LPIN3: variants seen among roughly 807,000 people sequenced by gnomAD.
LPIN3 encodes the protein lipin 3.
Under a neutral mutation model 94.7 loss-of-function variants are expected in LPIN3, and 82 were observed. The observed-to-expected ratio is 0.87, with a 90% confidence interval of 0.72 to 1.04. LPIN3 has a LOEUF of 1.04. LPIN3 is among the 50% of genes least tolerant of loss of function. The pLI is 0.00. For synonymous variants in LPIN3, 418 were observed against 443.3 expected, an observed-to-expected ratio of 0.94 and a Z score of 0.72; for missense variants, 996 against 1,090.5, an observed-to-expected ratio of 0.91 and a Z score of 1.22.
At position 41,347,548 on chromosome 20, in the gene LPIN3, G is replaced by A; in HGVS notation, c.193-4G>A. Reference sequence around the variant, plus strand: ...ATGTCCCTGCCACCGCTTTCCATTTGCAGGTAGACATTGAGCTCAATGGGG... The same window carrying A: ...ATGTCCCTGCCACCGCTTTCCATTTACAGGTAGACATTGAGCTCAATGGGG... On this transcript the variant is annotated splice_polypyrimidine_tract_variant and splice_region_variant and intron_variant, in intron 2 of 19. Coordinates refer to ENST00000373257, the MANE Select transcript of LPIN3 (RefSeq NM_022896.3). 6.2e-7 allele frequency: 1 copy of A among 1,614,046 alleles called. No individual in the cohort carries two copies. Among genetic ancestry groups the A allele is most frequent in the Non-Finnish European group, 8.5e-7 (1 of 1,179,916 alleles).
intron 11 of LPIN3, among the ~76,000 whole-genome samples, chr20:41,353,720 C>T (rs960244303): frequency 6.6e-6 from 1 of 152,252 alleles, no homozygotes; most frequent in Non-Finnish European, 1.5e-5. Flanking sequence ...CCTGCACCTG[C>T]CCCTCTGGGA....
At position 41,352,220 on chromosome 20, in the gene LPIN3, G is replaced by T. The variant is rs1469821401; in HGVS notation, c.1363G>T (p.Glu455Ter). 3 of 1,614,138 alleles carry T rather than the reference G, an allele frequency of 1.9e-6. No individual in the cohort carries two copies. Among genetic ancestry groups the T allele is most frequent in the Non-Finnish European group, 2.5e-6 (3 of 1,180,016 alleles). The change falls in exon 9 of 20, where the codon GAG becomes TAG. Residue 455 changes from glutamate (E) to a stop codon, truncating the protein, a stop_gained and splice_region_variant. Transcript: ENST00000373257. LOFTEE classifies it high-confidence loss of function. The stretch of plus-strand genomic sequence containing the variant: ...GGCTGACAGCCGGGACATCTCCCTA[G>T]GTATGTTCGACCATGGCCAAGCCCT... ...GLADSRDISLEKFNQHSVSYQ... is the reference protein window; with the variant it reads ...GLADSRDISL
At chr20:41,341,491 C>G (rs942164335) in intron 1 of LPIN3, among the ~76,000 whole-genome samples, 1 of 152,204 alleles carries the variant, frequency 6.6e-6, no homozygotes, top group African/African-American at 2.4e-5. Context: ...CCTTCATCCA[C>G]CCAAACCTGG....
intron 13 of LPIN3, 56 bp from the exon 14 acceptor site, chr20:41,355,840 G>C: frequency 6.2e-7 from 1 of 1,601,556 alleles, no homozygotes; most frequent in Non-Finnish European, 8.5e-7. Context: ...GGCATCTCCC[G>C]GGAGTGAAGG....
In LPIN3 at chr20:41,348,683, C is replaced by T. The variant is rs139894820; in HGVS notation, c.353C>T (p.Ser118Leu). Residue 118 changes from serine (S) to leucine (L), a missense_variant, in exon 4 of 20, where the codon TCG becomes TTG. Transcript: ENST00000373257. Reference sequence around the variant, plus strand: ...TGGGGGGGTCTGTCTGGCTTCCCCTCGGACTCCCAGCTGGGCACTGCCAGT... The same window carrying T: ...TGGGGGGGTCTGTCTGGCTTCCCCTTGGACTCCCAGCTGGGCACTGCCAGT... ...IPWGGLSGFP[S>L]DSQLGTASEP... 137 of 1,613,812 alleles carry T rather than the reference C, an allele frequency of 8.5e-5. No homozygotes were observed. The African/African-American group carries it at 1.5e-3, about 17-fold the overall frequency.
chr20:41,351,946 G>A (rs1247390577), intron 8 of LPIN3, 26 bp downstream of exon 8: 3 of 1,613,920 alleles, frequency 1.9e-6, no homozygotes, highest in Admixed American at 1.7e-5. Context: ...ATGCCAGGGT[G>A]TCTTGGGTCT....
chr20:41,353,995 G>A (rs1401448868), intron 11 of LPIN3, among the ~76,000 whole-genome samples: 1 of 152,174 alleles, frequency 6.6e-6, no homozygotes, highest in Non-Finnish European at 1.5e-5. Context: ...CAGCTCAAGG[G>A]GGCCCCCTGG....
rs188612512 is a variant in LPIN3 at position 41,348,474 on chromosome 20, C to T, written c.289-145C>T. ...CTGAGGCCAGCAGTGGCTACAGGGC[C>T]AGGCTGGTGCCTCCACACCTGTTTT... On this transcript the variant is annotated intron_variant, in intron 3 of 19. Coordinates refer to ENST00000373257, the MANE Select transcript of LPIN3 (RefSeq NM_022896.3). The T allele has an allele frequency of 2.1e-4, 270 of 1,303,720 alleles. 2 individuals are homozygous for T. The Admixed American group carries it at 7.0e-3, about 34-fold the overall frequency. The allele number at this position is 1,303,720 out of a possible 1,614,324, so 80.8% of individuals were successfully genotyped here. A position where few individuals can be genotyped will look rare whatever the true frequency, so the allele number is the denominator to read the frequency against.
intron 13 of LPIN3, among the ~76,000 whole-genome samples, chr20:41,355,521 C>T (rs1887766015): frequency 6.6e-5 from 10 of 152,212 alleles, no homozygotes. Context: ...TTTTCCACAT[C>T]TGAAGTGACC....
chr20:41,352,277 G>C, intron 9 of LPIN3, 57 bp downstream of exon 9: 1 of 1,592,474 alleles, frequency 6.3e-7, no homozygotes, highest in Non-Finnish European at 8.6e-7. Flanking sequence ...CAGAGGATGG[G>C]GAGGGCAGGG....
chr20:41,352,832 C>A lies in LPIN3; in HGVS notation c.1492C>A (p.Leu498Ile), dbSNP rs573472022. 4.3e-5 allele frequency: 69 copies of A among 1,614,238 alleles called. No individual in the cohort carries two copies. In the South Asian group the frequency reaches 6.3e-4, roughly 15 times the overall value. The change falls in exon 11 of 20, where the codon CTC (leucine) becomes ATC (isoleucine). Residue 498 changes from leucine (L) to isoleucine (I), a missense_variant. By Grantham distance (5) the Leu-to-Ile change is conservative. Transcript: ENST00000373257. ...CTGGGCTGTGGCTGCCCCCATGATC[C>A]TCTCCCTGCAAGCCTTCCAGAAAAA... is the stretch of plus-strand genomic sequence containing the variant. ...YNWAVAAPMI[L>I]SLQAFQKNLP...
In LPIN3 at chr20:41,352,121, C is replaced by G; in HGVS notation, c.1264C>G (p.Pro422Ala). 1 of 1,614,212 alleles carries G rather than the reference C, an allele frequency of 6.2e-7. No individual in the cohort carries two copies. The highest frequency in any genetic ancestry group is 1.6e-4 in the Middle Eastern group (1 of 6,062). The change falls in exon 9 of 20, where the codon CCC (proline) becomes GCC (alanine). Residue 422 changes from proline to alanine, a missense_variant. Transcript: ENST00000373257. ...EPSSQKSLRDPNPEHEPEPTL... is the reference protein window; with the variant it reads ...EPSSQKSLRDANPEHEPEPTL... Reference sequence around the variant, plus strand: ...CAGCAGTCAGAAGTCCCTGAGGGACCCCAACCCTGAACATGAACCTGAACC... The same window carrying G: ...CAGCAGTCAGAAGTCCCTGAGGGACGCCAACCCTGAACATGAACCTGAACC...
chr20:41,342,661 C>T (rs557062940), intron 1 of LPIN3, among the ~76,000 whole-genome samples: 27 of 141,254 alleles, frequency 1.9e-4, no homozygotes, highest in African/African-American at 7.2e-4. Flanking sequence ...GCTGAGCAGG[C>T]AGATGTGGGG....
At chr20:41,346,599 G>A (rs1343604080) in intron 2 of LPIN3, among the ~76,000 whole-genome samples, 1 of 152,116 alleles carries the variant, frequency 6.6e-6, no homozygotes, top group East Asian at 1.9e-4. Context: ...AAATTAGCCG[G>A]GTGTGGTGGT....
rs1029772906 is a variant in LPIN3, at chr20:41,357,894, G to C, written c.2052G>C (p.Lys684Asn). Reference protein sequence around the residue: ...LYHKIQLNGYKFLYCSARAIG... With the variant: ...LYHKIQLNGYNFLYCSARAIG... The stretch of plus-strand genomic sequence containing the variant: ...CCCCCACTCTCAGAAATGGGTACAA[G>C]TTCCTGTACTGCTCGGCGCGGGCCA... Residue 684 changes from lysine to asparagine, a missense_variant, in exon 17 of 20, where the codon AAG (lysine) becomes AAC (asparagine). Transcript: ENST00000373257. 6.2e-7 allele frequency: 1 copy of C among 1,614,028 alleles called. No individual in the cohort carries two copies. The highest frequency in any genetic ancestry group is 1.3e-5 in the African/African-American group (1 of 74,948).
intron 11 of LPIN3, among the ~76,000 whole-genome samples, chr20:41,354,300 T>C (rs1303285555): frequency 6.6e-6 from 1 of 152,164 alleles, no homozygotes; most frequent in African/African-American, 2.4e-5. Flanking sequence ...GGTCACAGCA[T>C]AGGGAGTACC....
intron 16 of LPIN3, 71 bp downstream of exon 16, chr20:41,357,518 C>T: frequency 7.4e-7 from 1 of 1,360,480 alleles, no homozygotes; most frequent in Non-Finnish European, 1.0e-6. Flanking sequence ...CAGGACAGGA[C>T]ATCTTGGGGA....
chr20:41,357,733 C>A, intron 16 of LPIN3, 149 bp from the exon 17 acceptor site: 1 of 1,063,744 alleles, frequency 9.4e-7, no homozygotes, highest in East Asian at 2.5e-5. Context: ...CAGCTGAGTC[C>A]ACTGCCTGGC....
chr20:41,347,558 A>AT lies in LPIN3; in HGVS notation c.201dup (p.Glu68Ter), dbSNP rs762509128. 1 of 1,613,940 alleles carries AT rather than the reference A, an allele frequency of 6.2e-7. No individual in the cohort carries two copies. Among genetic ancestry groups the AT allele is most frequent in the Admixed American group, 1.7e-5 (1 of 60,026 alleles). The stretch of plus-strand genomic sequence containing the variant: ...CACCGCTTTCCATTTGCAGGTAGAC[A>AT]TTGAGCTCAATGGGGAGCCTGTGGA... On this transcript the variant is annotated frameshift_variant, in exon 3 of 20. Coordinates refer to ENST00000373257, the MANE Select transcript of LPIN3 (RefSeq NM_022896.3). LOFTEE classifies it high-confidence loss of function.
Sources: gnomAD v4.1 joint callset for allele counts (sites outside exome capture counted in the v4.1 genomes callset) on GRCh38, gnomAD v4.1.1 for gene constraint, MANE v1.5 for transcripts, NCBI Gene and HGNC (gene_info 2026-07-23, HGNC 2026-07-21) for gene names.